The following GPC3 variants were observed in gnomAD, a reference collection of about 807,000 sequenced individuals.
GPC3 encodes the protein glypican 3, also known as glypican-3.
Under a neutral mutation model 34.4 loss-of-function variants are expected in GPC3, and 3 were observed. The observed-to-expected ratio is 0.09, with a 90% confidence interval of 0.04 to 0.23. GPC3 has a LOEUF of 0.23. Ranked by LOEUF, GPC3 falls within the 10% of genes least tolerant of loss-of-function variation. GPC3 has a pLI of 1.00. For synonymous variants in GPC3, 177 were observed against 174.0 expected (o/e 1.02, Z -0.13); for missense variants, 351 against 445.6 (o/e 0.79, Z 1.91).
At chrX:133,976,673 T>C in intron 1 of GPC3, among the ~76,000 whole-genome samples, 1 of 110,563 alleles carries the variant, frequency 9.0e-6, no homozygotes, top group East Asian at 2.8e-4. Context: ...ATCCCAGCAC[T>C]TTGGGAGGCT....
chrX:133,727,230 C>T (rs2071417172), intron 3 of GPC3, among the ~76,000 whole-genome samples: 1 of 111,657 alleles, frequency 9.0e-6, no homozygotes, highest in African/African-American at 3.3e-5. Context: ...AACCTTCTCA[C>T]ACCATCTTCT....
intron 3 of GPC3, among the ~76,000 whole-genome samples, chrX:133,750,152 G>A: frequency 8.9e-6 from 1 of 112,124 alleles, no homozygotes; most frequent in East Asian, 2.8e-4. Flanking sequence ...GAAAGGGCCT[G>A]CATCACTGAG....
At chrX:133,696,336 CAGAGTTACA>C (rs1044884474) in intron 4 of GPC3, among the ~76,000 whole-genome samples, 16 of 112,082 alleles carry the variant, frequency 1.4e-4, no homozygotes, top group African/African-American at 5.2e-4. Flanking sequence ...ACTACAGCAG[CAGAGTTACA>C]AGAGTAGTTT....
intron 6 of GPC3, among the ~76,000 whole-genome samples, chrX:133,625,942 G>T (rs1270080270): frequency 8.9e-6 from 1 of 112,069 alleles, no homozygotes; most frequent in Non-Finnish European, 1.9e-5. Context: ...AACCAAAACA[G>T]CATGGTACTG....
At chrX:133,843,014 G>A (rs1465732039) in intron 2 of GPC3, among the ~76,000 whole-genome samples, 1 of 111,356 alleles carries the variant, frequency 9.0e-6, no homozygotes, top group Non-Finnish European at 1.9e-5. Context: ...CAGGCTATAA[G>A]GATATTACAG....
intron 2 of GPC3, among the ~76,000 whole-genome samples, chrX:133,951,046 A>ACG (rs2076390347): frequency 2.5e-5 from 1 of 39,414 alleles, no homozygotes; most frequent in African/African-American, 9.2e-5. Context: ...CAATTCAAGA[A>ACG]AGTGTGTGTG....
At chrX:133,910,734 G>A (rs2076194455) in intron 2 of GPC3, among the ~76,000 whole-genome samples, 1 of 112,084 alleles carries the variant, frequency 8.9e-6, no homozygotes, top group Non-Finnish European at 1.9e-5. Context: ...ACCAATTTAT[G>A]GGGAAAGCTA....
At chrX:133,731,464 C>T (rs1263443321) in intron 3 of GPC3, among the ~76,000 whole-genome samples, 2 of 112,224 alleles carry the variant, frequency 1.8e-5, no homozygotes, top group East Asian at 2.8e-4. Flanking sequence ...GTAGATGCTA[C>T]AAAAATACCC....
At chrX:133,911,002 C>T (rs2076196197) in intron 2 of GPC3, among the ~76,000 whole-genome samples, 1 of 111,659 alleles carries the variant, frequency 9.0e-6, no homozygotes, top group African/African-American at 3.3e-5. Context: ...TGTCTTTCAT[C>T]CAATTGGTAT....
intron 3 of GPC3, among the ~76,000 whole-genome samples, chrX:133,702,780 A>G (rs2071178366): frequency 8.9e-6 from 1 of 111,775 alleles, no homozygotes. Flanking sequence ...TGTCCTGCCA[A>G]TAACCCTACT....
At chrX:133,916,521 C>G (rs902045091) in intron 2 of GPC3, among the ~76,000 whole-genome samples, 1 of 111,247 alleles carries the variant, frequency 9.0e-6, no homozygotes, top group African/African-American at 3.3e-5. Context: ...CACTGTCTAA[C>G]CCCCCCATAG....
intron 2 of GPC3, among the ~76,000 whole-genome samples, chrX:133,826,103 T>G (rs1413186498): frequency 9.0e-6 from 1 of 111,618 alleles, no homozygotes; most frequent in Non-Finnish European, 1.9e-5. Context: ...AAACGCCCAA[T>G]TTTTAACCAA....
rs1422371059 is a variant in GPC3 at position 133,976,649 on chromosome X, G to T, written c.175+8626C>A. On this transcript the variant is annotated intron_variant, in intron 1 of 7. Transcript: ENST00000370818. ...GGGCAACTCGCCAGGGAGCAAAATT[G>T]ACTCACACCTGAAATCCCAGCACTT... Among the ~76,000 whole-genome samples, 10 of 110,440 alleles carry T rather than the reference G, an allele frequency of 9.1e-5. No individual in the cohort carries two copies. The Admixed American group carries it at 9.7e-4, about 11-fold the overall frequency.
intron 7 of GPC3, among the ~76,000 whole-genome samples, chrX:133,562,776 C>G (rs955338632): frequency 9.0e-6 from 1 of 111,239 alleles, no homozygotes; most frequent in Non-Finnish European, 1.9e-5. Context: ...CCACAGGAGT[C>G]ATTAGAAAGG....
At chrX:133,873,997 A>G (rs2076005265) in intron 2 of GPC3, among the ~76,000 whole-genome samples, 1 of 111,577 alleles carries the variant, frequency 9.0e-6, no homozygotes. Context: ...TCACAGAAAC[A>G]ATACAGTTCT....
At chrX:133,946,301 AT>A (rs1367249410) in intron 2 of GPC3, among the ~76,000 whole-genome samples, 3 of 111,723 alleles carry the variant, frequency 2.7e-5, no homozygotes, top group Non-Finnish European at 5.6e-5. Context: ...CCTGCGTTCA[AT>A]TCTTGTCTCT....
chrX:133,630,054 CAAAAATA>C (rs1412068660), intron 6 of GPC3, among the ~76,000 whole-genome samples: 2 of 106,542 alleles, frequency 1.9e-5, no homozygotes, highest in Non-Finnish European at 3.9e-5. Context: ...AACTCCATCT[CAAAAATA>C]AAAAAGAAAA....
At chrX:133,687,072 C>G (rs1459884296) in intron 5 of GPC3, among the ~76,000 whole-genome samples, 1 of 104,940 alleles carries the variant, frequency 9.5e-6, no homozygotes, top group East Asian at 3.0e-4. Context: ...ATTACGGGCA[C>G]CTGCCACCAT....
At chrX:133,980,874 G>A (rs1362959180) in intron 1 of GPC3, among the ~76,000 whole-genome samples, 1 of 112,000 alleles carries the variant, frequency 8.9e-6, no homozygotes, top group Non-Finnish European at 1.9e-5. Context: ...CCTTTTTCTA[G>A]GCTACAGTGA....
Sources: allele counts gnomAD v4.1 joint callset (sites outside exome capture counted in the v4.1 genomes callset), GRCh38; gene constraint gnomAD v4.1.1; transcripts MANE v1.5; gene names NCBI Gene and HGNC (gene_info 2026-07-23, HGNC 2026-07-21).